PREX2: variants seen among roughly 807,000 people sequenced by gnomAD.
PREX2 encodes the protein phosphatidylinositol-3,4,5-trisphosphate dependent Rac exchange factor 2, also known as phosphatidylinositol 3,4,5-trisphosphate-dependent Rac exchanger 2 protein.
PREX2 carries 107 observed loss-of-function variants against 203.2 expected under a neutral mutation model. The ratio of observed to expected loss-of-function variants is 0.53; its 90% confidence interval spans 0.45 to 0.62. The LOEUF (loss-of-function observed/expected upper bound fraction) is 0.62. Among genes scored for constraint, PREX2 ranks in the 20% least tolerant of loss-of-function variants. The pLI, the probability that PREX2 is intolerant of heterozygous loss-of-function variation, is 0.00. For synonymous variants in PREX2, 672 were observed against 663.6 expected, an observed-to-expected ratio of 1.01 and a Z score of -0.19; for missense variants, 1,777 against 1,955.9, an observed-to-expected ratio of 0.91 and a Z score of 1.72.
At chr8:68,066,800 G>T (rs6992482) in intron 11 of PREX2, among the ~76,000 whole-genome samples, 37,196 of 151,812 alleles carry the variant, frequency 0.25, 4,577 homozygotes, top group South Asian at 0.3. Context: ...AAAAATTATT[G>T]CCAAGACAAA....
At chr8:68,038,049 C>T in intron 6 of PREX2, 110 bp from the exon 7 acceptor site, 1 of 1,175,520 alleles carries the variant, frequency 8.5e-7, no homozygotes, top group South Asian at 1.4e-5. Flanking sequence ...TTAGCCTGTG[C>T]ATAGCTTGCT....
intron 37 of PREX2, among the ~76,000 whole-genome samples, chr8:68,205,512 A>G (rs1019039962): frequency 6.6e-6 from 1 of 152,212 alleles, no homozygotes; most frequent in African/African-American, 2.4e-5. Flanking sequence ...TTTATTTTGC[A>G]GTCTCTGCCT....
At position 68,133,675 on chromosome 8, in the gene PREX2, C is replaced by T. The variant is rs113288534; in HGVS notation, c.3767-384C>T. Among the ~76,000 whole-genome samples, 981 of 152,170 alleles carry T rather than the reference C, an allele frequency of 6.4e-3. 12 individuals carry two copies. The highest frequency in any genetic ancestry group is 0.022 in the African/African-American group (910 of 41,516). ...TATCTAATTTGCCAACAAAAACTGA[C>T]GAATTGGACTTTGAGTTTTGTTTAG... On this transcript the variant is annotated intron_variant, in intron 31 of 39. Coordinates refer to ENST00000288368, the MANE Select transcript of PREX2 (RefSeq NM_024870.4).
intron 24 of PREX2, 146 bp downstream of exon 24, chr8:68,108,477 T>G: frequency 1.6e-6 from 1 of 630,046 alleles, no homozygotes; most frequent in East Asian, 2.7e-5. Context: ...TGTAATCATT[T>G]GGATAATTAT....
intron 33 of PREX2, among the ~76,000 whole-genome samples, chr8:68,143,991 G>A (rs186273891): frequency 2.4e-4 from 37 of 152,222 alleles, no homozygotes; most frequent in Non-Finnish European, 4.9e-4. Flanking sequence ...TCAGAGATCA[G>A]TTGACTATAT....
At chr8:68,196,006 T>G (rs567826407) in intron 37 of PREX2, among the ~76,000 whole-genome samples, 13 of 152,244 alleles carry the variant, frequency 8.5e-5, no homozygotes, top group African/African-American at 3.1e-4. Flanking sequence ...ACAGTGAATA[T>G]GAGATTAGTA....
At chr8:67,955,041 G>A (rs1032517594) in intron 1 of PREX2, among the ~76,000 whole-genome samples, 2 of 151,448 alleles carry the variant, frequency 1.3e-5, no homozygotes, top group East Asian at 3.9e-4. Context: ...TTACTCAGGA[G>A]GCTGAGGCAG....
chr8:68,156,765 T>TA (rs983181835), intron 34 of PREX2, among the ~76,000 whole-genome samples: 1 of 151,706 alleles, frequency 6.6e-6, no homozygotes, highest in East Asian at 1.9e-4. Context: ...GAAAGCACCA[T>TA]AAAAAAAAGG....
intron 34 of PREX2, among the ~76,000 whole-genome samples, chr8:68,152,290 A>AAAAAG (rs1554581339): frequency 1.2e-4 from 3 of 25,608 alleles, no homozygotes; most frequent in East Asian, 1.9e-3. Context: ...CCTCTCAGAG[A>AAAAAG]AAAAAAAAAA....
At chr8:68,104,388 G>T (rs192517953) in intron 23 of PREX2, among the ~76,000 whole-genome samples, 1 of 152,004 alleles carries the variant, frequency 6.6e-6, no homozygotes, top group African/African-American at 2.4e-5. Flanking sequence ...TCTCACTGCC[G>T]CTCTGGTCAC....
intron 7 of PREX2, among the ~76,000 whole-genome samples, chr8:68,041,857 A>T (rs538479351): frequency 1.7e-4 from 26 of 152,198 alleles, no homozygotes; most frequent in Non-Finnish European, 3.1e-4. Flanking sequence ...TGCAAAATTA[A>T]CATTAGTGGA....
chr8:68,194,081 T>A (rs138576301), intron 37 of PREX2, among the ~76,000 whole-genome samples: 121 of 152,346 alleles, frequency 7.9e-4, no homozygotes, highest in African/African-American at 2.8e-3. Flanking sequence ...ATCAAAGCTT[T>A]GAAAGTTTTT....
chr8:68,049,531 C>A (rs1272072667), intron 8 of PREX2, among the ~76,000 whole-genome samples: 1 of 151,958 alleles, frequency 6.6e-6, no homozygotes, highest in Non-Finnish European at 1.5e-5. Context: ...GAAATAAGAG[C>A]AAGGAATTTG....
intron 6 of PREX2, among the ~76,000 whole-genome samples, chr8:68,031,728 G>A (rs1027492664): frequency 6.6e-6 from 1 of 152,116 alleles, no homozygotes; most frequent in Non-Finnish European, 1.5e-5. Context: ...TCTTTCAGGC[G>A]GCTAAAATGG....
intron 15 of PREX2, among the ~76,000 whole-genome samples, chr8:68,079,095 G>C (rs1809436908): frequency 6.6e-6 from 1 of 152,128 alleles, no homozygotes; most frequent in African/African-American, 2.4e-5. Flanking sequence ...CAAGGTGGGA[G>C]GTATTGCTTG....
intron 37 of PREX2, among the ~76,000 whole-genome samples, chr8:68,205,448 G>A (rs1812603131): frequency 1.3e-5 from 2 of 152,270 alleles, no homozygotes; most frequent in Admixed American, 1.3e-4. Flanking sequence ...CCAAAGCCTT[G>A]CTCAGGGTGA....
At chr8:67,970,863 T>C (rs1805906505) in intron 1 of PREX2, among the ~76,000 whole-genome samples, 1 of 152,156 alleles carries the variant, frequency 6.6e-6, no homozygotes, top group Non-Finnish European at 1.5e-5. Flanking sequence ...TGCAGCTGTT[T>C]TGCAATTATT....
rs539001384 is a variant in PREX2, at chr8:68,063,932, C to T, written c.1339+3153C>T. On this transcript the variant is annotated intron_variant, in intron 11 of 39. Transcript: ENST00000288368. ...CTGCATTTTGGTGAAAATAGAATTC[C>T]TAAAATAAAGTTGAATGAACCATCT... 1.1e-4 allele frequency among the ~76,000 whole-genome samples: 16 copies of T among 152,170 alleles called. No homozygotes were observed. In the South Asian group the frequency reaches 2.9e-3, roughly 28 times the overall value.
Position 68,083,232 on chromosome 8 carries a change from T to C in PREX2, c.1879-8T>C. On this transcript the variant is annotated splice_polypyrimidine_tract_variant and splice_region_variant and intron_variant, in intron 17 of 39. Coordinates refer to ENST00000288368, the MANE Select transcript of PREX2 (RefSeq NM_024870.4). ...ACTTTGACTTATTTTTTGTAATTTCTCTCTTAGATGGCTGGCATGGAAGTC... is the reference window on the plus strand; with the variant it reads ...ACTTTGACTTATTTTTTGTAATTTCCCTCTTAGATGGCTGGCATGGAAGTC... The C allele has an allele frequency of 6.4e-7, 1 of 1,560,190 alleles. No homozygotes were observed. The highest frequency in any genetic ancestry group is 8.7e-7 in the Non-Finnish European group (1 of 1,150,562).
Sources: allele counts gnomAD v4.1 joint callset (sites outside exome capture counted in the v4.1 genomes callset), GRCh38; gene constraint gnomAD v4.1.1; transcripts MANE v1.5; gene names NCBI Gene and HGNC (gene_info 2026-07-23, HGNC 2026-07-21).